Variants in PANK4 observed in about 807,000 individuals in gnomAD.
The protein encoded by PANK4 is 4'-phosphopantetheine phosphatase.
A neutral mutation model predicts 87.9 loss-of-function variants in PANK4; 40 were observed. That is an observed-to-expected ratio of 0.46 (90% CI 0.35 to 0.59). The LOEUF (loss-of-function observed/expected upper bound fraction) is 0.59. PANK4 is among the 20% of genes least tolerant of loss of function. The pLI, the probability that PANK4 is intolerant of heterozygous loss-of-function variation, is 0.00. For missense variants in PANK4, 926 were observed against 1,072.3 expected, an observed-to-expected ratio of 0.86 and a Z score of 1.90; for synonymous variants, 524 against 467.4, an observed-to-expected ratio of 1.12 and a Z score of -1.56.
rs752912925 is a variant in PANK4, at chr1:2,519,811, G to A, written c.843C>T (p.Thr281=). 1.2e-5 allele frequency: 19 copies of A among 1,579,030 alleles called. No homozygotes were observed. The highest frequency in any genetic ancestry group is 2.7e-5 in the African/African-American group (2 of 74,364). Reference sequence around the variant, plus strand: ...GGCCGGGGTGAGCACCTTGGTCGGCGGTGGCCGACTTCCCGAAGCTGCTGG... The same window carrying A: ...GGCCGGGGTGAGCACCTTGGTCGGCAGTGGCCGACTTCCCGAAGCTGCTGG... The part of the protein sequence containing the change: ...LIASSFGKSA[T]ADQEFSKEDM... The change falls in exon 6 of 19, where the codon ACC becomes ACT. Residue 281 remains threonine, a synonymous_variant. Coordinates refer to ENST00000378466, the MANE Select transcript of PANK4 (RefSeq NM_018216.4). This position sits in a 1 kb window ranked among gnomAD's most constrained non-coding sequence, Gnocchi z 8.3.
rs1001834363 is a variant in PANK4 at position 2,508,713 on chromosome 1, C to T, written c.*134G>A. 5.1e-5 allele frequency: 32 copies of T among 629,354 alleles called. No individual in the cohort carries two copies. The highest frequency in any genetic ancestry group is 8.3e-5 in the Non-Finnish European group (29 of 348,778). The allele number at this position is 629,354 out of a possible 1,614,324, so 39.0% of individuals were successfully genotyped here. ...CGTCTCGCCTCTGGGTCACACGCAT[C>T]TGTGCGGCTGGGGTGTATGTGCCGC... is the stretch of plus-strand genomic sequence containing the variant. On this transcript the variant is annotated 3_prime_UTR_variant, in exon 19 of 19. Coordinates refer to ENST00000378466, the MANE Select transcript of PANK4 (RefSeq NM_018216.4). This position sits in a 1 kb window ranked among gnomAD's most constrained non-coding sequence, Gnocchi z 5.1.
Position 2,518,254 on chromosome 1 carries a change from C to A in PANK4, c.1128G>T (p.Gln376His), listed in dbSNP as rs1279247279. The change falls in exon 9 of 19, where the codon CAG (glutamine) becomes CAT (histidine). Residue 376 changes from glutamine to histidine, a missense_variant. Gln to His is a conservative substitution (Grantham distance 24). Transcript: ENST00000378466. ...CTGCATAGTTCTCTCCCCAGCTGTA[C>A]TGGTTAGGATCTGGAAAGCAAGAAG... ...LKGAEQDNPNQYSWGENYAGS... is the reference protein window; with the variant it reads ...LKGAEQDNPNHYSWGENYAGS... 2.4e-5 allele frequency: 38 copies of A among 1,610,984 alleles called. No individual in the cohort carries two copies. The highest frequency in any genetic ancestry group is 3.1e-5 in the Non-Finnish European group (37 of 1,178,740).
chr1:2,516,550 C>T (rs2494600), intron 9 of PANK4, among the ~76,000 whole-genome samples: 5,308 of 152,296 alleles, frequency 0.035, 240 homozygotes, highest in African/African-American at 0.1. Context: ...TCCCACCCTC[C>T]GGTGGCTACC....
chr1:2,526,410 G>C, intron 1 of PANK4, 54 bp downstream of exon 1: 118 of 402,550 alleles, frequency 2.9e-4, no homozygotes, highest in Non-Finnish European at 3.7e-4. Flanking sequence ...CCGGCCCACC[G>C]CCGGCGCCCC....
In PANK4 at chr1:2,509,081, G is replaced by C. The variant is rs1643616916; in HGVS notation, c.2109-21C>G. The C allele has an allele frequency of 1.9e-6, 3 of 1,572,446 alleles. No individual in the cohort carries two copies. The highest frequency in any genetic ancestry group is 1.7e-6 in the Non-Finnish European group (2 of 1,165,106). ...GGCGGCTTTGGGGAGGAAGAGGACG[G>C]TGAGACTGGGCAAGCAGACCCCAGA... On this transcript the variant is annotated intron_variant, in intron 18 of 18. Coordinates refer to ENST00000378466, the MANE Select transcript of PANK4 (RefSeq NM_018216.4). This position sits in a 1 kb window ranked among gnomAD's most constrained non-coding sequence, Gnocchi z 4.9.
chr1:2,512,771 A>T, intron 13 of PANK4, 117 bp downstream of exon 13: 1 of 1,032,654 alleles, frequency 9.7e-7, no homozygotes, highest in Non-Finnish European at 1.5e-6. Context: ...CTGAGCCACC[A>T]AGCCACCAAG....
rs1483393556 is a variant in PANK4, at chr1:2,510,165, A to G, written c.1939-8T>C. Reference sequence around the variant, plus strand: ...GTTGCACGCCAGGATGACCTGCAGGAGGAGGGCCCAGGCTCTTTAGGAACC... The same window carrying G: ...GTTGCACGCCAGGATGACCTGCAGGGGGAGGGCCCAGGCTCTTTAGGAACC... On this transcript the variant is annotated splice_polypyrimidine_tract_variant and splice_region_variant and intron_variant, in intron 16 of 18. Coordinates refer to ENST00000378466, the MANE Select transcript of PANK4 (RefSeq NM_018216.4). This position sits in a 1 kb window ranked among gnomAD's most constrained non-coding sequence, Gnocchi z 4.9. 2 of 1,559,048 alleles carry G rather than the reference A, an allele frequency of 1.3e-6. No individual in the cohort carries two copies. Among genetic ancestry groups the G allele is most frequent in the Non-Finnish European group, 1.8e-6 (2 of 1,139,562 alleles).
intron 13 of PANK4, 44 bp from the exon 14 acceptor site, chr1:2,511,727 A>G (rs1304395720): frequency 7.2e-6 from 9 of 1,241,758 alleles, no homozygotes; most frequent in Non-Finnish European, 1.1e-5. Context: ...ACAGAACAAA[A>G]ACCTTCAGCC....
intron 2 of PANK4, 161 bp from the exon 3 acceptor site, chr1:2,521,476 C>T (rs1013678178): frequency 1.1e-5 from 8 of 720,600 alleles, no homozygotes; most frequent in African/African-American, 8.7e-5. Context: ...AGGACCGTGG[C>T]GACCTCAGGG....
chr1:2,525,252 A>AG (rs1643910554), intron 1 of PANK4, among the ~76,000 whole-genome samples: 1 of 152,144 alleles, frequency 6.6e-6, no homozygotes, highest in African/African-American at 2.4e-5. Flanking sequence ...TCTGAGTCCC[A>AG]GCTTTTCCAG....
Position 2,511,672 on chromosome 1 carries a change from G to T in PANK4, c.1739C>A (p.Ser580Tyr). 6.2e-7 allele frequency: 1 copy of T among 1,606,392 alleles called. No individual in the cohort carries two copies. The highest frequency in any genetic ancestry group is 1.1e-5 in the South Asian group (1 of 90,944). The change falls in exon 14 of 19, where the codon TCC (serine) becomes TAC (tyrosine). Residue 580 changes from serine (S) to tyrosine (Y), a missense_variant. Physicochemically the swap from Ser to Tyr is moderately radical, Grantham distance 144 (BLOSUM62 -2). Coordinates refer to ENST00000378466, the MANE Select transcript of PANK4 (RefSeq NM_018216.4). ...GAKAVSAVLE[S>Y]DPYFGFEEAK... ...TTCTTCAAACCCAAAGTAGGGGTCG[G>T]ATTCAAGGACACTGCATGGAGGAGG...
At position 2,519,807 on chromosome 1, in the gene PANK4, C is replaced by A. The variant is rs750398349; in HGVS notation, c.847G>T (p.Asp283Tyr). 3.2e-6 allele frequency: 5 copies of A among 1,576,952 alleles called. No individual in the cohort carries two copies. The highest frequency in any genetic ancestry group is 4.3e-6 in the Non-Finnish European group (5 of 1,162,884). ...CAGAGGCCGGGGTGAGCACCTTGGT[C>A]GGCGGTGGCCGACTTCCCGAAGCTG... ...ASSFGKSATA[D>Y]QEFSKEDMAK... Residue 283 changes from aspartate (D) to tyrosine (Y), a missense_variant, in exon 6 of 19, where the codon GAC (aspartate) becomes TAC (tyrosine). By Grantham distance (160) the Asp-to-Tyr change is radical. Transcript: ENST00000378466. The surrounding 1 kb of genome is among the most constrained non-coding windows in gnomAD (Gnocchi z 8.3).
At chr1:2,514,488 G>T in intron 10 of PANK4, 22 bp from the exon 11 acceptor site, 16 of 1,567,414 alleles carry the variant, frequency 1.0e-5, no homozygotes, top group Non-Finnish European at 1.3e-5. Context: ...AGAAGGAGGG[G>T]GTTAGTCAAG....
At chr1:2,517,476 A>G (rs1643801554) in intron 9 of PANK4, among the ~76,000 whole-genome samples, 1 of 152,242 alleles carries the variant, frequency 6.6e-6, no homozygotes, top group African/African-American at 2.4e-5. Context: ...CAGCTACAGA[A>G]GGAATGAGCC....
chr1:2,514,504 G>A (rs1427414840), intron 10 of PANK4, 38 bp from the exon 11 acceptor site: 1 of 1,448,666 alleles, frequency 6.9e-7, no homozygotes, highest in Non-Finnish European at 9.4e-7. Context: ...TCAAGCGCTG[G>A]CCCTGCTGCT....
chr1:2,526,548 C>CCCCGCTGCT lies in PANK4; in HGVS notation c.31_39dup (p.Ser11_Gly13dup). 1 of 1,602,868 alleles carries CCCCGCTGCT rather than the reference C, an allele frequency of 6.2e-7. No individual in the cohort carries two copies. Among genetic ancestry groups the CCCCGCTGCT allele is most frequent in the Non-Finnish European group, 8.5e-7 (1 of 1,175,318 alleles). On this transcript the variant is annotated inframe_insertion, in exon 1 of 19. Transcript: ENST00000378466. ...AGCGTGATGCTCTTGTCCAGACTGT[C>CCCCGCTGCT]CCCGCTGCTCCCGCTGCCGCTCGCT...
chr1:2,511,366 G>T lies in PANK4; in HGVS notation c.1805C>A (p.Ser602Tyr). Reference protein sequence around the residue: ...KLQERPWLVDSYSEWLQRLKG... With the variant: ...KLQERPWLVDYYSEWLQRLKG... ...TAATCTCTGAAGCCACTCGCTGTAG[G>T]AATCCACGAGCCAGGGTCTTTCTGA... is the stretch of plus-strand genomic sequence containing the variant. The change falls in exon 15 of 19, where the codon TCC becomes TAC. Residue 602 changes from serine (S) to tyrosine (Y), a missense_variant. By Grantham distance (144) the Ser-to-Tyr change is moderately radical. Transcript: ENST00000378466. The T allele has an allele frequency of 6.2e-7, 1 of 1,610,902 alleles. No homozygotes were observed. The highest frequency in any genetic ancestry group is 8.5e-7 in the Non-Finnish European group (1 of 1,178,084).
Position 2,510,167 on chromosome 1 carries a change from G to A in PANK4, c.1939-10C>T. 1 of 1,559,956 alleles carries A rather than the reference G, an allele frequency of 6.4e-7. No individual in the cohort carries two copies. The highest frequency in any genetic ancestry group is 8.8e-7 in the Non-Finnish European group (1 of 1,140,372). On this transcript the variant is annotated splice_polypyrimidine_tract_variant and intron_variant, in intron 16 of 18. Coordinates refer to ENST00000378466, the MANE Select transcript of PANK4 (RefSeq NM_018216.4). This position sits in a 1 kb window ranked among gnomAD's most constrained non-coding sequence, Gnocchi z 4.9. Reference sequence around the variant, plus strand: ...TGCACGCCAGGATGACCTGCAGGAGGAGGGCCCAGGCTCTTTAGGAACCTG... The same window carrying A: ...TGCACGCCAGGATGACCTGCAGGAGAAGGGCCCAGGCTCTTTAGGAACCTG...
At chr1:2,521,405 C>A (rs547988195) in intron 2 of PANK4, 90 bp from the exon 3 acceptor site, 32 of 1,064,104 alleles carry the variant, frequency 3.0e-5, no homozygotes, top group Admixed American at 3.4e-5. Context: ...GCTGGCTGTT[C>A]GCGCCAGCCT....
Sources: allele counts gnomAD v4.1 joint callset (sites outside exome capture counted in the v4.1 genomes callset), GRCh38; gene constraint gnomAD v4.1.1; non-coding constraint Gnocchi (gnomAD v3.1); transcripts MANE v1.5; gene names NCBI Gene and HGNC (gene_info 2026-07-23, HGNC 2026-07-21).